Variants in ROBO2 observed in about 807,000 individuals in gnomAD.
ROBO2 encodes the protein roundabout guidance receptor 2.
ROBO2 carries 53 observed loss-of-function variants against 160.8 expected under a neutral mutation model. The ratio of observed to expected loss-of-function variants is 0.33; its 90% CI spans 0.26 to 0.41. The LOEUF (loss-of-function observed/expected upper bound fraction) is 0.41, where lower values mean the gene tolerates loss of function less well. ROBO2 is among the 10% of genes least tolerant of loss of function. The pLI, the probability that ROBO2 is intolerant of heterozygous loss-of-function variation, is 1.00. For missense variants in ROBO2, 1,577 were observed against 1,722.4 expected (o/e 0.92, Z 1.49); for synonymous variants, 664 against 611.7 (o/e 1.09, Z -1.26).
intron 16 of ROBO2, among the ~76,000 whole-genome samples, chr3:77,581,058 C>G (rs2093905980): frequency 6.6e-6 from 1 of 152,074 alleles, no homozygotes; most frequent in African/African-American, 2.4e-5. Context: ...GTGATTTTAA[C>G]TTAAATTTTC....
intron 2 of ROBO2, among the ~76,000 whole-genome samples, chr3:77,403,725 AGTGATTTT>A (rs2076026398): frequency 6.6e-6 from 1 of 152,002 alleles, no homozygotes; most frequent in South Asian, 2.1e-4. Flanking sequence ...TCTTTGGTAT[AGTGATTTT>A]GTGATTTTGT....
chr3:76,677,957 G>GATTTTTTTTTTTTTTT (rs1337363967), intron 2 of ROBO2, among the ~76,000 whole-genome samples: 1 of 46,088 alleles, frequency 2.2e-5, no homozygotes, highest in Admixed American at 2.3e-4. Flanking sequence ...AAGAAAATAT[G>GATTTTTTTTTTTTTTT]CTTTTTTTTT....
intron 2 of ROBO2, among the ~76,000 whole-genome samples, chr3:76,297,443 A>G (rs1438244612): frequency 1.3e-5 from 2 of 152,174 alleles, no homozygotes; most frequent in Non-Finnish European, 1.5e-5. Flanking sequence ...GGCCACTTAA[A>G]TGTTAATTGT....
intron 2 of ROBO2, among the ~76,000 whole-genome samples, chr3:76,800,765 C>T (rs1323804984): frequency 1.3e-5 from 2 of 152,160 alleles, no homozygotes; most frequent in Non-Finnish European, 2.9e-5. Flanking sequence ...CTCTCATACA[C>T]TCTTGTCAGG....
chr3:77,572,247 G>C (rs1215211448), intron 13 of ROBO2, among the ~76,000 whole-genome samples: 1 of 152,016 alleles, frequency 6.6e-6, no homozygotes, highest in African/African-American at 2.4e-5. Context: ...CAAATGCAGA[G>C]AAGTTTATAA....
At chr3:75,995,802 C>T (rs1168201052) in intron 2 of ROBO2, among the ~76,000 whole-genome samples, 1 of 152,192 alleles carries the variant, frequency 6.6e-6, no homozygotes, top group African/African-American at 2.4e-5. Context: ...TGGAAGCCCA[C>T]TTCTTGCATC....
At chr3:76,989,276 C>T (rs1222896416) in intron 2 of ROBO2, among the ~76,000 whole-genome samples, 4 of 151,778 alleles carry the variant, frequency 2.6e-5, no homozygotes, top group East Asian at 1.9e-4. Context: ...AGCCACTTAC[C>T]GATTAGGAAA....
At chr3:76,207,014 A>G (rs1328504924) in intron 2 of ROBO2, among the ~76,000 whole-genome samples, 1 of 152,214 alleles carries the variant, frequency 6.6e-6, no homozygotes, top group Admixed American at 6.5e-5. Flanking sequence ...TATAACCACT[A>G]GAACCATTAA....
At chr3:76,735,752 C>G (rs1376197958) in intron 2 of ROBO2, among the ~76,000 whole-genome samples, 1 of 97,344 alleles carries the variant, frequency 1.0e-5, no homozygotes, top group African/African-American at 4.9e-5. Context: ...GGAGGGAGAC[C>G]CTGTCTCAAA....
At chr3:77,154,420 G>C (rs2077804910) in intron 2 of ROBO2, among the ~76,000 whole-genome samples, 2 of 152,214 alleles carry the variant, frequency 1.3e-5, no homozygotes, top group South Asian at 4.1e-4. Context: ...TGGTGGGGAT[G>C]TAAATTAGTT....
intron 2 of ROBO2, among the ~76,000 whole-genome samples, chr3:77,243,019 G>C (rs2089257405): frequency 6.6e-6 from 1 of 151,124 alleles, no homozygotes; most frequent in Non-Finnish European, 1.5e-5. Context: ...GAGAGAGAGA[G>C]AAAAGACAGA....
intron 2 of ROBO2, among the ~76,000 whole-genome samples, chr3:76,737,006 C>CT (rs1214060960): frequency 6.6e-6 from 1 of 152,118 alleles, no homozygotes; most frequent in East Asian, 1.9e-4. Flanking sequence ...TATATGAACT[C>CT]TGTTTTGGGG....
intron 2 of ROBO2, among the ~76,000 whole-genome samples, chr3:76,657,401 G>A (rs1575762231): frequency 6.7e-6 from 1 of 149,874 alleles, no homozygotes; most frequent in East Asian, 2.0e-4. Flanking sequence ...CTCCAGCCTG[G>A]GCCACAGAGA....
Position 76,393,115 on chromosome 3 carries a change from A to C in ROBO2, c.109+455513A>C, listed in dbSNP as rs111583142. Among the ~76,000 whole-genome samples the C allele has an allele frequency of 4.3e-3, 648 of 152,304 alleles. 5 individuals are homozygous for C. Among genetic ancestry groups the C allele is most frequent in the African/African-American group, 0.015 (615 of 41,568 alleles). ...CTAACAGTAAAATCCAGTGTTTCCT[A>C]GATATAACATCGTTTTGTGTATTGC... On this transcript the variant is annotated intron_variant, in intron 2 of 26. Transcript: ENST00000487694.
intron 6 of ROBO2, among the ~76,000 whole-genome samples, chr3:77,539,589 T>C (rs2092359500): frequency 6.6e-6 from 1 of 152,166 alleles, no homozygotes; most frequent in African/African-American, 2.4e-5. Context: ...GGAAAAAATA[T>C]TGAGTATTTG....
At chr3:76,421,920 T>G (rs1390664792) in intron 2 of ROBO2, among the ~76,000 whole-genome samples, 1 of 152,312 alleles carries the variant, frequency 6.6e-6, no homozygotes, top group East Asian at 1.9e-4. Flanking sequence ...GCTTTCTTTT[T>G]GTCTTCTCTT....
chr3:75,988,343 A>G (rs2065473073), intron 2 of ROBO2, among the ~76,000 whole-genome samples: 2 of 152,094 alleles, frequency 1.3e-5, no homozygotes, highest in South Asian at 4.1e-4. Flanking sequence ...CTCTTATAAT[A>G]CTTTTTATTT....
intron 2 of ROBO2, among the ~76,000 whole-genome samples, chr3:77,186,102 C>T (rs1412525884): frequency 6.6e-6 from 1 of 151,862 alleles, no homozygotes; most frequent in Non-Finnish European, 1.5e-5. Flanking sequence ...GTGATGGGTG[C>T]ACCCAAATCT....
chr3:77,037,074 C>CT (rs920525460), upstream of ROBO2, among the ~76,000 whole-genome samples: 3 of 151,994 alleles, frequency 2.0e-5, no homozygotes, highest in African/African-American at 7.2e-5. Context: ...AAGGTAATGT[C>CT]TTTGTTCTTT....
Sources: gnomAD v4.1 joint callset for allele counts (sites outside exome capture counted in the v4.1 genomes callset) on GRCh38, gnomAD v4.1.1 for gene constraint, MANE v1.5 for transcripts, NCBI Gene and HGNC (gene_info 2026-07-23, HGNC 2026-07-21) for gene names.